Variants in CFAP61 observed in about 807,000 individuals in gnomAD.
The protein encoded by CFAP61 is cilia- and flagella-associated protein 61.
Under a neutral mutation model 135.6 loss-of-function variants are expected in CFAP61, and 107 were observed. The observed-to-expected ratio is 0.79, with a 90% CI of 0.67 to 0.93. The LOEUF is 0.93. CFAP61 is among the 40% of genes least tolerant of loss of function. The probability of loss-of-function intolerance (pLI) is 0.00; values close to 1 mark genes in which losing one functional copy is unlikely to be tolerated. For synonymous variants in CFAP61, 575 were observed against 578.5 expected, an observed-to-expected ratio of 0.99 and a Z score of 0.09; for missense variants, 1,507 against 1,556.2, an observed-to-expected ratio of 0.97 and a Z score of 0.53.
chr20:20,187,377 G>A (rs2055585072), intron 13 of CFAP61, among the ~76,000 whole-genome samples: 1 of 152,190 alleles, frequency 6.6e-6, no homozygotes, highest in Non-Finnish European at 1.5e-5. Context: ...GAGACTGTGG[G>A]GATCACACGT....
At chr20:20,066,219 A>G (rs1043435245) in intron 2 of CFAP61, among the ~76,000 whole-genome samples, 3 of 152,212 alleles carry the variant, frequency 2.0e-5, no homozygotes, top group African/African-American at 7.2e-5. Context: ...ATGCTTTTAC[A>G]CTGTTGGTGG....
intron 20 of CFAP61, among the ~76,000 whole-genome samples, chr20:20,261,194 T>C (rs1171268170): frequency 6.6e-6 from 1 of 152,244 alleles, no homozygotes; most frequent in Non-Finnish European, 1.5e-5. Context: ...TTTAATCTAG[T>C]TTGAAATTGC....
At chr20:20,213,899 A>ATC (rs72052231) in intron 17 of CFAP61, among the ~76,000 whole-genome samples, 75 of 147,588 alleles carry the variant, frequency 5.1e-4, no homozygotes, top group Non-Finnish European at 7.2e-4. Flanking sequence ...ATGGTGTGCA[A>ATC]TCTCTCTCTC....
chr20:20,117,551 T>TG (rs2049245810), intron 8 of CFAP61, among the ~76,000 whole-genome samples: 2 of 152,138 alleles, frequency 1.3e-5, no homozygotes, highest in Admixed American at 1.3e-4. Flanking sequence ...TTTTTGCTTA[T>TG]GATTGCTTTG....
At chr20:20,337,760 T>A (rs1481858776) in intron 25 of CFAP61, among the ~76,000 whole-genome samples, 1 of 152,090 alleles carries the variant, frequency 6.6e-6, no homozygotes, top group Non-Finnish European at 1.5e-5. Flanking sequence ...GCACAGGGGC[T>A]TTGGGAAAGG....
intron 21 of CFAP61, among the ~76,000 whole-genome samples, chr20:20,272,720 C>T (rs976521429): frequency 2.0e-5 from 3 of 152,178 alleles, no homozygotes; most frequent in South Asian, 4.1e-4. Flanking sequence ...TTCTTCCTTC[C>T]AGCTCTTACC....
At chr20:20,054,101 CCTT>C (rs372881288) in intron 1 of CFAP61, among the ~76,000 whole-genome samples, 2 of 147,624 alleles carry the variant, frequency 1.4e-5, no homozygotes, top group African/African-American at 5.0e-5. Context: ...TTCATGTTTA[CCTT>C]CTTATTTCCC....
chr20:20,156,208 A>C (rs2052894947), intron 9 of CFAP61, among the ~76,000 whole-genome samples: 1 of 152,162 alleles, frequency 6.6e-6, no homozygotes, highest in Admixed American at 6.6e-5. Flanking sequence ...TACAAAAAGG[A>C]TAATCATGAC....
intron 8 of CFAP61, among the ~76,000 whole-genome samples, chr20:20,120,938 T>A (rs1428412405): frequency 6.6e-6 from 1 of 152,170 alleles, no homozygotes; most frequent in Non-Finnish European, 1.5e-5. Flanking sequence ...GATATTAATA[T>A]AGCTACTACT....
intron 26 of CFAP61, among the ~76,000 whole-genome samples, chr20:20,355,925 T>G (rs1448671491): frequency 5.7e-5 from 5 of 87,984 alleles, no homozygotes; most frequent in East Asian, 3.2e-4. Flanking sequence ...TGAGGGGAGG[T>G]AGTGACACTG....
chr20:20,090,646 C>T (rs548539687), intron 6 of CFAP61, among the ~76,000 whole-genome samples, 198 bp from the exon 7 acceptor site: 3 of 143,602 alleles, frequency 2.1e-5, no homozygotes, highest in Admixed American at 1.5e-4. Context: ...GCCGAGATCA[C>T]GCCACTGCAT....
chr20:20,104,254 T>A (rs1030842072), intron 8 of CFAP61, among the ~76,000 whole-genome samples: 1 of 152,232 alleles, frequency 6.6e-6, no homozygotes, highest in Admixed American at 6.5e-5. Context: ...CTTTAACTTT[T>A]TTTTTTTAAA....
At chr20:20,082,244 A>C (rs1426825589) in intron 6 of CFAP61, among the ~76,000 whole-genome samples, 1 of 152,242 alleles carries the variant, frequency 6.6e-6, no homozygotes, top group Non-Finnish European at 1.5e-5. Flanking sequence ...CACAATTCGT[A>C]AGACACTGAA....
chr20:20,164,352 A>G, intron 11 of CFAP61, 124 bp downstream of exon 11: 1 of 958,792 alleles, frequency 1.0e-6, no homozygotes, highest in South Asian at 1.7e-5. Context: ...CTCCTGGGGA[A>G]TTTTTTAAAA....
intron 8 of CFAP61, among the ~76,000 whole-genome samples, chr20:20,135,139 CAGATTGGAATGATGTAACGAGCCA>C (rs1366940716): frequency 6.6e-6 from 1 of 152,032 alleles, no homozygotes; most frequent in Non-Finnish European, 1.5e-5. Context: ...ATTATGGAAT[CAGATTGGAATGATGTAACGAGCCA>C]AGGAATGCCA....
intron 20 of CFAP61, among the ~76,000 whole-genome samples, chr20:20,260,461 G>C (rs1474631981): frequency 2.0e-5 from 3 of 152,190 alleles, no homozygotes; most frequent in African/African-American, 7.2e-5. Flanking sequence ...TTTGGCTTTG[G>C]AATTTATAAT....
chr20:20,225,264 T>C (rs2048658203), intron 17 of CFAP61: 1 of 152,152 alleles, frequency 6.6e-6, no homozygotes. Context: ...TCTGTACTAA[T>C]AAAAGAAAAA....
At chr20:20,076,158 C>T (rs1387475984) in intron 6 of CFAP61, among the ~76,000 whole-genome samples, 2 of 152,206 alleles carry the variant, frequency 1.3e-5, no homozygotes, top group Non-Finnish European at 2.9e-5. Context: ...CTCCTCTCTT[C>T]AAGCCTTGGG....
chr20:20,241,590 G>A (rs184700987), intron 18 of CFAP61, among the ~76,000 whole-genome samples: 3 of 152,212 alleles, frequency 2.0e-5, no homozygotes, highest in Admixed American at 1.3e-4. Flanking sequence ...CATGTTGTTC[G>A]ATAATTCAAA....
Sources: gnomAD v4.1 joint callset for allele counts (sites outside exome capture counted in the v4.1 genomes callset) on GRCh38, gnomAD v4.1.1 for gene constraint, MANE v1.5 for transcripts, NCBI Gene and HGNC (gene_info 2026-07-23, HGNC 2026-07-21) for gene names.